Variants in PCDHA6 observed in about 807,000 individuals in gnomAD.
The protein encoded by PCDHA6 is protocadherin alpha 6, also known as protocadherin alpha-6.
A neutral mutation model predicts 60.3 loss-of-function variants in PCDHA6; 55 were observed. That is an observed-to-expected ratio of 0.91 (90% confidence interval 0.73 to 1.14). PCDHA6 has a LOEUF of 1.14. Among genes scored for constraint, PCDHA6 ranks in the 50% most tolerant of loss-of-function variants. The pLI is 0.00. For missense variants in PCDHA6, 1,327 were observed against 1,256.5 expected (o/e 1.06, Z -0.85); for synonymous variants, 652 against 557.9 (o/e 1.17, Z -2.38).
intron 1 of PCDHA6, among the ~76,000 whole-genome samples, chr5:140,950,613 A>G (rs980395914): frequency 3.3e-5 from 5 of 152,064 alleles, no homozygotes; most frequent in African/African-American, 1.2e-4. Context: ...TGATGTGCTT[A>G]TTTATGCTTT....
At chr5:140,962,930 C>A (rs2095720492) in intron 1 of PCDHA6, among the ~76,000 whole-genome samples, 1 of 152,144 alleles carries the variant, frequency 6.6e-6, no homozygotes, top group South Asian at 2.1e-4. Flanking sequence ...TACTTCTCAA[C>A]CTCCTCTCCA....
At chr5:140,946,374 CGGTT>C (rs1308149019) in intron 1 of PCDHA6, among the ~76,000 whole-genome samples, 6 of 151,656 alleles carry the variant, frequency 4.0e-5, no homozygotes, top group Non-Finnish European at 5.9e-5. Flanking sequence ...CTCTTGCACA[CGGTT>C]GGTAGGAATG....
rs1489888830 is a variant in PCDHA6, at chr5:140,987,480, A to G, written c.2542+4917A>G. ...TGTTAAGAGCTCAAGCTTGGGAGTC[A>G]GTGACCCTTTCTGAATTCTACCTCT... is the stretch of plus-strand genomic sequence containing the variant. On this transcript the variant is annotated intron_variant, in intron 3 of 3. Coordinates refer to ENST00000529310, the MANE Select transcript of PCDHA6 (RefSeq NM_018909.4). Among the ~76,000 whole-genome samples, 6 of 152,310 alleles carry G rather than the reference A, an allele frequency of 3.9e-5. No homozygotes were observed. The South Asian group carries it at 1.2e-3, about 32-fold the overall frequency.
At chr5:140,880,297 AG>A (rs1554171244) in intron 1 of PCDHA6, among the ~76,000 whole-genome samples, 1 of 152,250 alleles carries the variant, frequency 6.6e-6, no homozygotes, top group Admixed American at 6.5e-5. Context: ...TCATAGTGTG[AG>A]TGAAAGAAAC....
intron 1 of PCDHA6, chr5:140,878,115 A>T: frequency 4.3e-6 from 1 of 232,352 alleles, no homozygotes; most frequent in Non-Finnish European, 8.1e-6. Flanking sequence ...AAAAAACAGT[A>T]TATTAGATTA....
At chr5:140,869,591 A>AGAAT in intron 1 of PCDHA6, 1 of 1,614,138 alleles carries the variant, frequency 6.2e-7, no homozygotes. Flanking sequence ...GCTGACATTG[A>AGAAT]AGAGAATGCT....
chr5:140,914,145 G>A lies in PCDHA6; in HGVS notation c.2395-64804G>A, dbSNP rs2076623510. Among the ~76,000 whole-genome samples the A allele has an allele frequency of 3.3e-5, 5 of 152,138 alleles. 1 individual carries two copies. The South Asian group carries it at 1.0e-3, about 32-fold the overall frequency. On this transcript the variant is annotated intron_variant, in intron 1 of 3. Transcript: ENST00000529310. ...TTCTTTGTTGAGTTTTTGTCTGTCAGTTCTGTCCAATACGGAAAGTGGGGT... is the reference window on the plus strand; with the variant it reads ...TTCTTTGTTGAGTTTTTGTCTGTCAATTCTGTCCAATACGGAAAGTGGGGT...
At chr5:140,920,505 T>C (rs545028033) in intron 1 of PCDHA6, among the ~76,000 whole-genome samples, 1 of 152,344 alleles carries the variant, frequency 6.6e-6, no homozygotes, top group South Asian at 2.1e-4. Flanking sequence ...TTCTACATAC[T>C]GTTTTATGCA....
chr5:140,842,235 G>A (rs201880118), intron 1 of PCDHA6: 39 of 1,612,410 alleles, frequency 2.4e-5, no homozygotes, highest in Non-Finnish European at 3.0e-5. Flanking sequence ...ATAGTGATTC[G>A]GGGTAATTTG....
At chr5:140,887,029 T>C (rs1308343052) in intron 1 of PCDHA6, among the ~76,000 whole-genome samples, 1 of 152,140 alleles carries the variant, frequency 6.6e-6, no homozygotes, top group Non-Finnish European at 1.5e-5. Flanking sequence ...AAAAATTTCT[T>C]TAATATTTTT....
intron 1 of PCDHA6, chr5:140,834,759 A>T: frequency 6.2e-7 from 1 of 1,614,152 alleles, no homozygotes; most frequent in Non-Finnish European, 8.5e-7. Context: ...GGTGAAGGAC[A>T]TTAACGACAA....
chr5:141,004,037 G>C (rs946974688), intron 3 of PCDHA6, among the ~76,000 whole-genome samples: 1 of 152,200 alleles, frequency 6.6e-6, no homozygotes, highest in African/African-American at 2.4e-5. Context: ...TTCCTTGATT[G>C]ATCATTTGCT....
chr5:140,990,205 G>T (rs2097380865), intron 3 of PCDHA6, among the ~76,000 whole-genome samples: 1 of 152,116 alleles, frequency 6.6e-6, no homozygotes, highest in Non-Finnish European at 1.5e-5. Context: ...ACCCGAAAGA[G>T]AACAAAGAGA....
chr5:141,001,130 T>C (rs1233424080), intron 3 of PCDHA6, among the ~76,000 whole-genome samples: 1 of 152,036 alleles, frequency 6.6e-6, no homozygotes, highest in African/African-American at 2.4e-5. Context: ...CTTAAACAAA[T>C]GAATCTTCTG....
chr5:140,890,775 CATAAG>C (rs1358140207), intron 1 of PCDHA6, among the ~76,000 whole-genome samples: 5 of 152,040 alleles, frequency 3.3e-5, no homozygotes, highest in Admixed American at 6.6e-5. Context: ...TTTAAAACCC[CATAAG>C]ATATTAGTAT....
intron 3 of PCDHA6, among the ~76,000 whole-genome samples, chr5:141,007,395 C>CAAAAAAAAA (rs35800918): frequency 8.4e-5 from 8 of 94,856 alleles, no homozygotes; most frequent in East Asian, 2.9e-4. Context: ...TACTAAAATA[C>CAAAAAAAAA]AAAAAAAAAA....
At chr5:140,862,824 G>C (rs1205805230) in intron 1 of PCDHA6, 1 of 571,890 alleles carries the variant, frequency 1.7e-6, no homozygotes, top group Non-Finnish European at 3.4e-6. Flanking sequence ...AGGTGAGAGC[G>C]CGCGACGCGG....
At chr5:140,854,785 T>A (rs998570267) in intron 1 of PCDHA6, 1 of 149,624 alleles carries the variant, frequency 6.7e-6, no homozygotes, top group Non-Finnish European at 1.5e-5. Flanking sequence ...TTTCAAGAAC[T>A]TTGAGAGAGA....
chr5:140,862,358 ACG>A (rs1554156250), intron 1 of PCDHA6: 1 of 337,982 alleles, frequency 3.0e-6, no homozygotes, highest in Non-Finnish European at 5.8e-6. Context: ...CAAGGGACAG[ACG>A]ACCCGCACCC....
Sources: allele counts gnomAD v4.1 joint callset (sites outside exome capture counted in the v4.1 genomes callset), GRCh38; gene constraint gnomAD v4.1.1; transcripts MANE v1.5; gene names NCBI Gene and HGNC (gene_info 2026-07-23, HGNC 2026-07-21).